The following TRIO variants were observed in gnomAD, a reference collection of about 807,000 sequenced individuals.
TRIO encodes the protein triple functional domain protein.
In TRIO, 58 loss-of-function variants were observed where a neutral mutation model predicts 351.9. The observed-to-expected ratio is 0.16, with a 90% CI of 0.13 to 0.21. The LOEUF (loss-of-function observed/expected upper bound fraction) is 0.21. Ranked by LOEUF, TRIO falls within the 10% of genes least tolerant of loss-of-function variation. The pLI is 1.00. For missense variants in TRIO, 3,201 were observed against 4,027.8 expected (o/e 0.79, Z 5.56); for synonymous variants, 1,758 against 1,595.7 (o/e 1.10, Z -2.42).
chr5:14,388,688 G>GTTTTTTTTTTTTTTTTTTTTTT lies in TRIO; in HGVS notation c.3948+27_3948+28insTTTTTTTTTTTTTTTTTTTTTT. On this transcript the variant is annotated intron_variant, in intron 24 of 56. Coordinates refer to ENST00000344204, the MANE Select transcript of TRIO (RefSeq NM_007118.4). ...TCCGGGAATGTATGGATGTAAGTAA[G>GTTTTTTTTTTTTTTTTTTTTTT]TTTTTTTTTTTTTTTTTTGCTTGTT... The GTTTTTTTTTTTTTTTTTTTTTT allele has an allele frequency of 1.4e-6, 2 of 1,440,386 alleles. No individual in the cohort carries two copies. The highest frequency in any genetic ancestry group is 2.2e-5 in the Admixed American group (1 of 46,144). The allele number at this position is 1,440,386 out of a possible 1,614,324, so 89.2% of individuals were successfully genotyped here.
intron 36 of TRIO, 126 bp from the exon 37 acceptor site, chr5:14,465,419 A>T: frequency 1.2e-6 from 1 of 847,232 alleles, no homozygotes. Context: ...AACAAAGACA[A>T]ACTTGTGGTC....
At chr5:14,467,131 T>C (rs531218336) in intron 37 of TRIO, among the ~76,000 whole-genome samples, 1 of 152,364 alleles carries the variant, frequency 6.6e-6, no homozygotes, top group Non-Finnish European at 1.5e-5. Context: ...AATATATTCC[T>C]AATACATACT....
chr5:14,313,082 G>A (rs1015661197), intron 8 of TRIO, among the ~76,000 whole-genome samples: 4 of 152,180 alleles, frequency 2.6e-5, no homozygotes, highest in Non-Finnish European at 4.4e-5. Flanking sequence ...TGCTGTTTTT[G>A]AACATGGATT....
In TRIO at chr5:14,404,271, A is replaced by C. The variant is rs1474654634; in HGVS notation, c.4717-1577A>C. 2.0e-5 allele frequency among the ~76,000 whole-genome samples: 3 copies of C among 152,160 alleles called. No homozygotes were observed. In the East Asian group the frequency reaches 5.8e-4, roughly 29 times the overall value. ...AAAGAGAATTTTATTTTTAAGTCTT[A>C]AGCAGATTGCGACTACCCAGATTAT... On this transcript the variant is annotated intron_variant, in intron 31 of 56. Coordinates refer to ENST00000344204, the MANE Select transcript of TRIO (RefSeq NM_007118.4).
intron 1 of TRIO, among the ~76,000 whole-genome samples, chr5:14,180,689 G>T (rs1194952173): frequency 6.6e-6 from 1 of 152,108 alleles, no homozygotes. Context: ...AAAAAGCTGG[G>T]TGTGGTGGCA....
intron 48 of TRIO, among the ~76,000 whole-genome samples, chr5:14,491,344 G>A (rs866871331): frequency 2.0e-5 from 3 of 152,316 alleles, no homozygotes; most frequent in Middle Eastern, 3.4e-3. Flanking sequence ...CCAGGGCGTC[G>A]GAGAGCCCAG....
intron 2 of TRIO, among the ~76,000 whole-genome samples, chr5:14,278,671 T>C (rs1184688148): frequency 6.6e-6 from 1 of 152,230 alleles, no homozygotes; most frequent in Non-Finnish European, 1.5e-5. Context: ...ATTGTTAATC[T>C]GTCTTATCTT....
chr5:14,297,933 CATT>C (rs1737507335), intron 7 of TRIO, among the ~76,000 whole-genome samples: 1 of 152,156 alleles, frequency 6.6e-6, no homozygotes, highest in South Asian at 2.1e-4. Context: ...ATAAGGGAAA[CATT>C]ATTTCCAGAG....
chr5:14,364,747 C>G lies in TRIO; in HGVS notation c.2685C>G (p.Ala895=). The change falls in exon 15 of 57, where the codon GCC becomes GCG. Residue 895 remains alanine, a synonymous_variant. Coordinates refer to ENST00000344204, the MANE Select transcript of TRIO (RefSeq NM_007118.4). ...AAAAACAGCAGGAATTGGATTTAGC[C>G]GCAGAGCAGCATCGGAAACACCTGG... ...LHEKQQELDL[A]AEQHRKHLEQ... 1.2e-6 allele frequency: 2 copies of G among 1,612,692 alleles called. No individual in the cohort carries two copies. The highest frequency in any genetic ancestry group is 3.3e-5 in the Admixed American group (2 of 60,008).
At chr5:14,342,575 C>T (rs536883025) in intron 11 of TRIO, among the ~76,000 whole-genome samples, 2 of 152,326 alleles carry the variant, frequency 1.3e-5, no homozygotes, top group Non-Finnish European at 2.9e-5. Context: ...AGAACACAGT[C>T]ATTTTCTGAA....
intron 34 of TRIO, among the ~76,000 whole-genome samples, chr5:14,453,974 G>T (rs867548238): frequency 2.6e-5 from 4 of 151,900 alleles, no homozygotes; most frequent in African/African-American, 9.7e-5. Flanking sequence ...CACTCACCCA[G>T]ACTGGAGTGC....
chr5:14,245,250 A>T (rs1794365535), intron 1 of TRIO, among the ~76,000 whole-genome samples: 1 of 152,322 alleles, frequency 6.6e-6, no homozygotes, highest in Middle Eastern at 3.4e-3. Flanking sequence ...CCTGTTGAAA[A>T]TGCTGGCACA....
At chr5:14,300,474 C>T (rs1340271342) in intron 7 of TRIO, among the ~76,000 whole-genome samples, 1 of 152,200 alleles carries the variant, frequency 6.6e-6, no homozygotes, top group African/African-American at 2.4e-5. Context: ...AGCACAGATA[C>T]ACATTTCTAT....
In TRIO at chr5:14,465,589, G is replaced by T. The variant is rs374550843; in HGVS notation, c.5712G>T (p.Pro1904=). 1.9e-6 allele frequency: 3 copies of T among 1,613,898 alleles called. No individual in the cohort carries two copies. The highest frequency in any genetic ancestry group is 2.2e-5 in the South Asian group (2 of 91,072). The change falls in exon 37 of 57, where the codon CCG becomes CCT. Residue 1904 remains proline (P), a synonymous_variant. Coordinates refer to ENST00000344204, the MANE Select transcript of TRIO (RefSeq NM_007118.4). ...TCCGCCCCACCAGCTCCGAAACACCGAGTGCAGCCGAGCTCGTCAGTGCAA... is the reference window on the plus strand; with the variant it reads ...TCCGCCCCACCAGCTCCGAAACACCTAGTGCAGCCGAGCTCGTCAGTGCAA... ...LLVRPTSSET[P]SAAELVSAIE...
rs1407514131 is a variant in TRIO at position 14,498,501 on chromosome 5, T to C, written c.8211-18T>C. 1.9e-6 allele frequency: 3 copies of C among 1,612,264 alleles called. No homozygotes were observed. Among genetic ancestry groups the C allele is most frequent in the East Asian group, 4.5e-5 (2 of 44,808 alleles). ...CTCAGCTTTTCTGATGCGCAGTGTG[T>C]TCCCATCTGTGCCGCAGTGACCTGG... On this transcript the variant is annotated intron_variant, in intron 52 of 56. Coordinates refer to ENST00000344204, the MANE Select transcript of TRIO (RefSeq NM_007118.4).
chr5:14,426,563 A>G (rs1028099417), intron 34 of TRIO, among the ~76,000 whole-genome samples: 2 of 152,220 alleles, frequency 1.3e-5, no homozygotes, highest in Non-Finnish European at 2.9e-5. Context: ...CCTTAAACAG[A>G]TTGTAACAGG....
chr5:14,342,254 C>T (rs971438585), intron 11 of TRIO, among the ~76,000 whole-genome samples: 1 of 152,212 alleles, frequency 6.6e-6, no homozygotes, highest in Non-Finnish European at 1.5e-5. Context: ...CGAGTTTGCT[C>T]CAGGAGTATA....
At chr5:14,419,030 C>G (rs1000233740) in intron 33 of TRIO, among the ~76,000 whole-genome samples, 1 of 151,840 alleles carries the variant, frequency 6.6e-6, no homozygotes, top group African/African-American at 2.4e-5. Context: ...TTTCAGTAGG[C>G]CTAGGTGAGA....
At chr5:14,465,799 T>C in intron 37 of TRIO, 159 bp downstream of exon 37, 1 of 703,330 alleles carries the variant, frequency 1.4e-6, no homozygotes, top group Non-Finnish European at 2.5e-6. Flanking sequence ...GGTTCACTGA[T>C]TTGAAGGACT....
Sources: allele counts gnomAD v4.1 joint callset (sites outside exome capture counted in the v4.1 genomes callset), GRCh38; gene constraint gnomAD v4.1.1; transcripts MANE v1.5; gene names NCBI Gene and HGNC (gene_info 2026-07-23, HGNC 2026-07-21).